DENND1A: variants seen among roughly 807,000 people sequenced by gnomAD.
DENND1A encodes the protein DENN domain containing 1A.
Under a neutral mutation model 113.7 loss-of-function variants are expected in DENND1A, and 51 were observed. That is an observed-to-expected ratio of 0.45 (90% confidence interval 0.36 to 0.57). DENND1A has a LOEUF of 0.57. Ranked by LOEUF, DENND1A falls within the 20% of genes least tolerant of loss-of-function variation. The pLI is 0.00. For missense variants in DENND1A, 1,258 were observed against 1,395.9 expected, an observed-to-expected ratio of 0.90 and a Z score of 1.57; for synonymous variants, 565 against 570.8, an observed-to-expected ratio of 0.99 and a Z score of 0.14.
chr9:123,621,769 G>T (rs1479163104), intron 10 of DENND1A, among the ~76,000 whole-genome samples: 1 of 152,174 alleles, frequency 6.6e-6, no homozygotes, highest in Non-Finnish European at 1.5e-5. Context: ...ACTTAATCTA[G>T]CATTGATCTA....
chr9:123,474,535 TAA>T (rs1370292422), intron 13 of DENND1A, among the ~76,000 whole-genome samples: 1 of 152,246 alleles, frequency 6.6e-6, no homozygotes, highest in Non-Finnish European at 1.5e-5. Flanking sequence ...AGGGTCTATA[TAA>T]AGTGATGCTT....
chr9:123,463,023 G>T (rs1003030564), intron 13 of DENND1A, among the ~76,000 whole-genome samples: 3 of 152,166 alleles, frequency 2.0e-5, no homozygotes, highest in African/African-American at 7.2e-5. Context: ...ATGGAGAAGA[G>T]TAAGGCAAGG....
intron 5 of DENND1A, among the ~76,000 whole-genome samples, chr9:123,678,061 C>T (rs756693819): frequency 5.9e-5 from 9 of 152,188 alleles, no homozygotes; most frequent in Non-Finnish European, 1.0e-4. Flanking sequence ...CCCTCCCCAT[C>T]CCCACTTCAT....
intron 1 of DENND1A, among the ~76,000 whole-genome samples, chr9:123,918,259 C>T (rs913329643): frequency 2.6e-5 from 4 of 151,140 alleles, no homozygotes; most frequent in African/African-American, 7.3e-5. Flanking sequence ...GAGGCCAAGG[C>T]GGGCAGATCA....
At chr9:123,656,411 T>C (rs1589541634) in intron 8 of DENND1A, among the ~76,000 whole-genome samples, 2 of 152,164 alleles carry the variant, frequency 1.3e-5, no homozygotes, top group East Asian at 3.9e-4. Context: ...TGCTGCCATA[T>C]TCTGGGAAAG....
At chr9:123,837,523 C>T (rs1056838097) in intron 2 of DENND1A, among the ~76,000 whole-genome samples, 1 of 152,188 alleles carries the variant, frequency 6.6e-6, no homozygotes, top group Middle Eastern at 3.4e-3. Context: ...TACTGTTCAA[C>T]CAGATACTAC....
intron 21 of DENND1A, among the ~76,000 whole-genome samples, chr9:123,395,468 C>CTGTGTGTGTGTGTGTGTGTGTG (rs60527655): frequency 1.5e-4 from 21 of 142,982 alleles, no homozygotes; most frequent in African/African-American, 5.4e-4. Context: ...CTCTCTCTCT[C>CTGTGTGTGTGTGTGTGTGTGTG]TGTGTGTGTG....
At chr9:123,515,098 T>A (rs1213881410) in intron 13 of DENND1A, among the ~76,000 whole-genome samples, 1 of 152,186 alleles carries the variant, frequency 6.6e-6, no homozygotes, top group Non-Finnish European at 1.5e-5. Context: ...CAAGAGAGAC[T>A]ATCCTACATG....
At position 123,381,797 on chromosome 9, in the gene DENND1A, C is replaced by A. The variant is rs974189822; in HGVS notation, c.2848G>T (p.Ala950Ser). ...CCAAAGAGGTTGGGCATGGAGAGGG[C>A]GGAGAGGTTGGGCTGAGACCTGTGA... ...APHRSQPNLS[A>S]LSMPNLFGQM... Residue 950 changes from alanine (A) to serine (S), a missense_variant, in exon 24 of 24, where the codon GCC (alanine) becomes TCC (serine). Physicochemically the swap from Ala to Ser is moderately conservative, Grantham distance 99. Around this residue, in one of 2 missense-constraint regions of DENND1A, gnomAD observed 1,159 missense variants for 1,231.7 expected, o/e 0.94. Coordinates refer to ENST00000394215, the MANE Select transcript of DENND1A (RefSeq NM_001352964.2). The surrounding 1 kb of genome is among the most constrained non-coding windows in gnomAD (Gnocchi z 4.7). The A allele has an allele frequency of 1.3e-6, 2 of 1,517,624 alleles. No individual in the cohort carries two copies. The highest frequency in any genetic ancestry group is 1.8e-6 in the Non-Finnish European group (2 of 1,132,502). The allele number at this position is 1,517,624 out of a possible 1,614,324, so 94.0% of individuals were successfully genotyped here.
intron 7 of DENND1A, among the ~76,000 whole-genome samples, chr9:123,668,203 C>T (rs1280323808): frequency 2.6e-5 from 4 of 152,080 alleles, no homozygotes; most frequent in Non-Finnish European, 5.9e-5. Flanking sequence ...TAGCCATGGC[C>T]TAAGTTCAAA....
At chr9:123,554,933 C>A (rs1301765632) in intron 13 of DENND1A, among the ~76,000 whole-genome samples, 2 of 152,194 alleles carry the variant, frequency 1.3e-5, no homozygotes, top group African/African-American at 4.8e-5. Context: ...TTAAAACTAT[C>A]ATAAGACAGA....
intron 5 of DENND1A, among the ~76,000 whole-genome samples, chr9:123,727,538 G>A (rs2067796327): frequency 2.0e-5 from 3 of 152,066 alleles, no homozygotes; most frequent in Admixed American, 2.0e-4. Flanking sequence ...ATGGTGCAAG[G>A]GCTGTGAAAT....
intron 1 of DENND1A, among the ~76,000 whole-genome samples, chr9:123,926,615 C>T (rs115567091): frequency 0.017 from 2,568 of 148,064 alleles, 86 homozygotes; most frequent in African/African-American, 0.06. Context: ...AAAAGGCCTG[C>T]GTAAACCATA....
At chr9:123,777,917 A>G (rs1166757942) in intron 3 of DENND1A, among the ~76,000 whole-genome samples, 1 of 152,206 alleles carries the variant, frequency 6.6e-6, no homozygotes, top group Non-Finnish European at 1.5e-5. Flanking sequence ...ACTGTTTCAA[A>G]TCAACTTTTA....
At chr9:123,808,939 C>T (rs1376626229) in intron 2 of DENND1A, among the ~76,000 whole-genome samples, 1 of 152,182 alleles carries the variant, frequency 6.6e-6, no homozygotes, top group East Asian at 1.9e-4. Flanking sequence ...ATTCTGTGGG[C>T]CCTCCAGTAT....
chr9:123,729,772 T>A (rs1369155573), intron 5 of DENND1A, among the ~76,000 whole-genome samples: 1 of 152,108 alleles, frequency 6.6e-6, no homozygotes, highest in African/African-American at 2.4e-5. Context: ...AAATTTCACA[T>A]GGAACCAAAA....
chr9:123,499,435 A>G (rs989678186), intron 13 of DENND1A, among the ~76,000 whole-genome samples: 3 of 152,224 alleles, frequency 2.0e-5, no homozygotes, highest in African/African-American at 7.2e-5. Context: ...GTACTTAGCA[A>G]ATGGCATATG....
chr9:123,540,794 G>A (rs2056230628), intron 13 of DENND1A, among the ~76,000 whole-genome samples: 1 of 152,180 alleles, frequency 6.6e-6, no homozygotes, highest in African/African-American at 2.4e-5. Context: ...CTGACACATT[G>A]AATTATCAGC....
chr9:123,410,939 C>G (rs904105697), intron 20 of DENND1A, among the ~76,000 whole-genome samples: 27 of 152,166 alleles, frequency 1.8e-4, no homozygotes, highest in African/African-American at 6.0e-4. Flanking sequence ...TGGCCGGAGT[C>G]TGACCTACCA....
Sources: allele counts gnomAD v4.1 joint callset (sites outside exome capture counted in the v4.1 genomes callset), GRCh38; gene constraint gnomAD v4.1.1; regional missense constraint gnomAD v4.1.1; non-coding constraint Gnocchi (gnomAD v3.1); transcripts MANE v1.5; gene names NCBI Gene and HGNC (gene_info 2026-07-23, HGNC 2026-07-21).